INSYN2B: variants seen among roughly 807,000 people sequenced by gnomAD.
The protein encoded by INSYN2B is inhibitory synaptic factor family member 2B.
Under a neutral mutation model 41.2 loss-of-function variants are expected in INSYN2B, and 16 were observed. The observed-to-expected ratio is 0.39, with a 90% confidence interval of 0.26 to 0.59. The LOEUF (loss-of-function observed/expected upper bound fraction) is 0.59. INSYN2B is among the 20% of genes least tolerant of loss of function. The pLI is 0.57. For synonymous variants in INSYN2B, 245 were observed against 244.4 expected (o/e 1.00, Z -0.02); for missense variants, 608 against 646.4 (o/e 0.94, Z 0.64).
At chr5:169,893,303 C>A (rs558134128) in intron 1 of INSYN2B, among the ~76,000 whole-genome samples, 2 of 152,164 alleles carry the variant, frequency 1.3e-5, no homozygotes, top group African/African-American at 4.8e-5. Flanking sequence ...CAGGGGAAAG[C>A]CTTTACTACC....
At chr5:169,866,268 C>G (rs1380542788) in intron 3 of INSYN2B, among the ~76,000 whole-genome samples, 1 of 152,180 alleles carries the variant, frequency 6.6e-6, no homozygotes, top group Admixed American at 6.5e-5. Flanking sequence ...ATAATCCTGG[C>G]TGGATGACCT....
chr5:169,963,929 G>A lies in INSYN2B; in HGVS notation c.-919+16348C>T, dbSNP rs183181615. On this transcript the variant is annotated intron_variant, in intron 1 of 3. Transcript: ENST00000377365. ...GAATGTGCATTTCAAATAAGTTTTCGGATGCTGCTGCTGCAGCTCCAGGGC... is the reference window on the plus strand; with the variant it reads ...GAATGTGCATTTCAAATAAGTTTTCAGATGCTGCTGCTGCAGCTCCAGGGC... Among the ~76,000 whole-genome samples, 372 of 152,170 alleles carry A rather than the reference G, an allele frequency of 2.4e-3. 8 individuals are homozygous for A. In the South Asian group the frequency reaches 0.062, roughly 25 times the overall value.
At chr5:169,889,605 T>C (rs1773169998) in intron 1 of INSYN2B, among the ~76,000 whole-genome samples, 1 of 152,264 alleles carries the variant, frequency 6.6e-6, no homozygotes, top group African/African-American at 2.4e-5. Flanking sequence ...GGGTTCAGAC[T>C]ATCCTTTACG....
intron 1 of INSYN2B, among the ~76,000 whole-genome samples, chr5:169,950,720 T>C (rs1404755614): frequency 1.3e-5 from 2 of 152,246 alleles, no homozygotes; most frequent in Admixed American, 1.3e-4. Context: ...AACAGCCACA[T>C]TCTTTCACAG....
rs927666750 is a variant in INSYN2B at position 169,884,427 on chromosome 5, G to A, written c.-529C>T. The A allele has an allele frequency of 4.6e-5, 7 of 152,324 alleles. No individual in the cohort carries two copies. Among genetic ancestry groups the A allele is most frequent in the Admixed American group, 1.3e-4 (2 of 15,280 alleles). The allele number at this position is 152,324 out of a possible 1,614,324, so 9.4% of individuals were successfully genotyped here. A position where few individuals can be genotyped will look rare whatever the true frequency, so the allele number is the denominator to read the frequency against. Reference sequence around the variant, plus strand: ...AACTTAAATGCATCTTCTTTCCATAGCAGGTAAACAGGTGGAGAAATAAAT... The same window carrying A: ...AACTTAAATGCATCTTCTTTCCATAACAGGTAAACAGGTGGAGAAATAAAT... On this transcript the variant is annotated 5_prime_UTR_variant, in exon 2 of 4. Transcript: ENST00000377365.
At chr5:169,939,078 G>A (rs987464120) in intron 1 of INSYN2B, among the ~76,000 whole-genome samples, 2 of 151,382 alleles carry the variant, frequency 1.3e-5, no homozygotes, top group Non-Finnish European at 2.9e-5. Flanking sequence ...TAATTTTTTT[G>A]TATTTTTAGT....
At chr5:169,919,950 A>G (rs759967339) in intron 1 of INSYN2B, among the ~76,000 whole-genome samples, 3 of 152,240 alleles carry the variant, frequency 2.0e-5, no homozygotes, top group Non-Finnish European at 4.4e-5. Context: ...ATGCCAAGTA[A>G]CTACACTTTG....
chr5:169,866,242 C>T (rs1414255549), intron 3 of INSYN2B, among the ~76,000 whole-genome samples: 1 of 152,190 alleles, frequency 6.6e-6, no homozygotes, highest in African/African-American at 2.4e-5. Context: ...TTCTCTCTGG[C>T]CCTCTCTATG....
intron 1 of INSYN2B, among the ~76,000 whole-genome samples, chr5:169,914,988 A>G (rs943166939): frequency 6.6e-6 from 1 of 152,246 alleles, no homozygotes; most frequent in African/African-American, 2.4e-5. Context: ...GCCTGACCCC[A>G]GAGGAGGCTC....
At chr5:169,968,544 A>G (rs1436541490) in intron 1 of INSYN2B, among the ~76,000 whole-genome samples, 4 of 152,196 alleles carry the variant, frequency 2.6e-5, no homozygotes. Flanking sequence ...GTGTTCTTCG[A>G]CTTCAGCATG....
chr5:169,865,521 G>C (rs572293504), intron 3 of INSYN2B, among the ~76,000 whole-genome samples: 11 of 152,288 alleles, frequency 7.2e-5, no homozygotes, highest in African/African-American at 2.6e-4. Flanking sequence ...GCTGAGCACG[G>C]GTTCCCTCTG....
At chr5:169,881,536 A>T in intron 2 of INSYN2B, 94 bp from the exon 3 acceptor site, 3 of 918,680 alleles carry the variant, frequency 3.3e-6, no homozygotes, top group Non-Finnish European at 5.2e-6. Context: ...CCTATAGCAC[A>T]GCATTCACGG....
At chr5:169,889,003 G>T (rs1581363870) in intron 1 of INSYN2B, among the ~76,000 whole-genome samples, 3 of 152,120 alleles carry the variant, frequency 2.0e-5, no homozygotes, top group Non-Finnish European at 2.9e-5. Context: ...GTGATGATCT[G>T]CTGACTTCTA....
intron 1 of INSYN2B, among the ~76,000 whole-genome samples, chr5:169,972,589 T>C (rs372800706): frequency 1.1e-4 from 13 of 113,452 alleles, no homozygotes; most frequent in Admixed American, 2.5e-4. Flanking sequence ...AGATAGATGA[T>C]AGATAGATAG....
intron 1 of INSYN2B, among the ~76,000 whole-genome samples, chr5:169,891,315 T>G (rs1773266269): frequency 6.6e-6 from 1 of 152,238 alleles, no homozygotes; most frequent in Admixed American, 6.5e-5. Flanking sequence ...GTGTATTATC[T>G]GTCTCTGCTC....
At chr5:169,945,468 C>T (rs970622294) in intron 1 of INSYN2B, among the ~76,000 whole-genome samples, 6 of 152,258 alleles carry the variant, frequency 3.9e-5, no homozygotes, top group African/African-American at 9.6e-5. Context: ...GCTGTTACTT[C>T]GTGCCTGGCA....
intron 1 of INSYN2B, among the ~76,000 whole-genome samples, chr5:169,900,580 GTCTC>G (rs1773867670): frequency 6.6e-6 from 1 of 152,160 alleles, no homozygotes. Context: ...TAAATGTCGA[GTCTC>G]TCTCCTTTGG....
intron 1 of INSYN2B, among the ~76,000 whole-genome samples, chr5:169,926,913 A>T (rs961333402): frequency 5.9e-5 from 9 of 152,352 alleles, no homozygotes; most frequent in Admixed American, 6.5e-5. Flanking sequence ...TATGATACAA[A>T]ACAAGGAGCA....
intron 1 of INSYN2B, among the ~76,000 whole-genome samples, chr5:169,959,526 A>G (rs1220286168): frequency 6.6e-6 from 1 of 152,200 alleles, no homozygotes; most frequent in African/African-American, 2.4e-5. Context: ...CTAATAGTCC[A>G]CAGGGTGATG....
Sources: allele counts gnomAD v4.1 joint callset (sites outside exome capture counted in the v4.1 genomes callset), GRCh38; gene constraint gnomAD v4.1.1; transcripts MANE v1.5; gene names NCBI Gene and HGNC (gene_info 2026-07-23, HGNC 2026-07-21).